CLTCL1: variants seen among roughly 807,000 people sequenced by gnomAD.
CLTCL1 encodes the protein clathrin heavy chain like 1, also known as clathrin heavy chain 2.
In CLTCL1, 159 loss-of-function variants were observed where a neutral mutation model predicts 190.0. The ratio of observed to expected loss-of-function variants is 0.84; its 90% CI spans 0.74 to 0.95. The LOEUF is 0.95. Among genes scored for constraint, CLTCL1 ranks in the 40% least tolerant of loss-of-function variants. The probability of loss-of-function intolerance (pLI) is 0.00; values close to 1 mark genes in which losing one functional copy is unlikely to be tolerated. For synonymous variants in CLTCL1, 752 were observed against 769.6 expected (o/e 0.98, Z 0.38); for missense variants, 1,878 against 2,033.4 (o/e 0.92, Z 1.47).
Position 19,210,460 on chromosome 22 carries a change from G to T in CLTCL1, c.3115C>A (p.Arg1039=), listed in dbSNP as rs117166674. 6.8e-6 allele frequency: 11 copies of T among 1,613,852 alleles called. No homozygotes were observed. The Admixed American group carries it at 1.2e-4, about 17-fold the overall frequency. Residue 1039 remains arginine, a synonymous_variant, in exon 20 of 33, where the codon CGG becomes AGG. Transcript: ENST00000427926. The part of the protein sequence containing the change: ...ILTAIKADRT[R]VMEYISRLDN... Reference sequence around the variant, plus strand: ...AGGCGGCTGATGTACTCCATGACCCGTGTGCGGTCTGCCTTGATGGCAGTC... The same window carrying T: ...AGGCGGCTGATGTACTCCATGACCCTTGTGCGGTCTGCCTTGATGGCAGTC...
chr22:19,210,379 C>T lies in CLTCL1; in HGVS notation c.3196G>A (p.Glu1066Lys), dbSNP rs1166713636. 2 of 1,613,880 alleles carry T rather than the reference C, an allele frequency of 1.2e-6. No homozygotes were observed. The highest frequency in any genetic ancestry group is 1.3e-5 in the African/African-American group (1 of 74,926). Residue 1066 changes from glutamate (E) to lysine (K), a missense_variant, in exon 20 of 33, where the codon GAG (glutamate) becomes AAG (lysine). Physicochemically the swap from Glu to Lys is moderately conservative, Grantham distance 56 (BLOSUM62 1). Coordinates refer to ENST00000427926, the MANE Select transcript of CLTCL1 (RefSeq NM_007098.4). ...ASIAVSSALY[E>K]EAFTVFHKFD... Reference sequence around the variant, plus strand: ...TTGTGGAAAACGGTGAAGGCCTCCTCATACAGTGCGCTGCTGACAGCGATG... The same window carrying T: ...TTGTGGAAAACGGTGAAGGCCTCCTTATACAGTGCGCTGCTGACAGCGATG...
intron 19 of CLTCL1, among the ~76,000 whole-genome samples, chr22:19,212,278 G>T (rs1293508633): frequency 1.3e-5 from 2 of 151,922 alleles, no homozygotes; most frequent in African/African-American, 4.8e-5. Flanking sequence ...ATAAAGTTGA[G>T]CCCAGGTATA....
chr22:19,249,855 A>G, intron 3 of CLTCL1: 1 of 407,976 alleles, frequency 2.5e-6, no homozygotes, highest in Admixed American at 2.8e-5. Context: ...GCTGATTTTG[A>G]AACTTAAAAA....
Position 19,208,259 on chromosome 22 carries a change from A to C in CLTCL1, c.3495T>G (p.Arg1165=), listed in dbSNP as rs1555944152. 1.2e-6 allele frequency: 2 copies of C among 1,613,826 alleles called. No homozygotes were observed. The highest frequency in any genetic ancestry group is 1.7e-6 in the Non-Finnish European group (2 of 1,179,896). The change falls in exon 22 of 33, where the codon CGT becomes CGG. Residue 1165 remains arginine, a synonymous_variant. Transcript: ENST00000427926. ...KFLQMARKKG[R]ESYIETELIF... ...TAAGTTCAGTCTCTATATAGGACTC[A>C]CGGCCCTTTTTCCTGGCCATCTGCA... is the stretch of plus-strand genomic sequence containing the variant.
chr22:19,261,115 ATT>A (rs112343917), intron 2 of CLTCL1, among the ~76,000 whole-genome samples: 24 of 143,778 alleles, frequency 1.7e-4, no homozygotes, highest in African/African-American at 4.1e-4. Context: ...TAAGAAATGC[ATT>A]TTTTTTTTTT....
intron 17 of CLTCL1, 46 bp downstream of exon 17, chr22:19,221,331 T>G (rs542687237): frequency 6.9e-7 from 1 of 1,452,516 alleles, no homozygotes; most frequent in Non-Finnish European, 9.3e-7. Flanking sequence ...AAAGCTTCCC[T>G]GGGAGCCCAG....
In CLTCL1 at chr22:19,196,614, C is replaced by A. The variant is rs782407097; in HGVS notation, c.3916G>T (p.Ala1306Ser). 17 of 1,613,458 alleles carry A rather than the reference C, an allele frequency of 1.1e-5. No homozygotes were observed. The highest frequency in any genetic ancestry group is 1.4e-5 in the Non-Finnish European group (17 of 1,179,736). Residue 1306 changes from alanine (A) to serine (S), a missense_variant, in exon 25 of 33, where the codon GCC becomes TCC. Transcript: ENST00000427926. ...ATGTGGGCCCGCTCCAGGCCCAGGG[C>A]CGCTTCCAACAGCAAGATCAGCTCC... ...FEELILLLEA[A>S]LGLERAHMGM...
intron 7 of CLTCL1, 34 bp from the exon 8 acceptor site, chr22:19,233,656 G>T (rs199568862): frequency 1.9e-6 from 3 of 1,586,960 alleles, no homozygotes; most frequent in African/African-American, 2.7e-5. Context: ...TCATTGTGTT[G>T]TAATCACAGG....
intron 5 of CLTCL1, among the ~76,000 whole-genome samples, chr22:19,236,888 TA>T (rs1218814386): frequency 6.6e-6 from 1 of 152,166 alleles, no homozygotes; most frequent in Non-Finnish European, 1.5e-5. Context: ...GAGATGGAGG[TA>T]AGAGTAAAGA....
At chr22:19,284,546 G>T (rs2087835397) in intron 1 of CLTCL1, among the ~76,000 whole-genome samples, 1 of 152,078 alleles carries the variant, frequency 6.6e-6, no homozygotes. Context: ...TATAATCCCA[G>T]CTACCTGGGA....
At chr22:19,197,525 C>T (rs782220119) in intron 24 of CLTCL1, among the ~76,000 whole-genome samples, 47 of 152,192 alleles carry the variant, frequency 3.1e-4, no homozygotes, top group Admixed American at 1.3e-4. Flanking sequence ...GCAAGCATCC[C>T]GCTCATCCTC....
chr22:19,222,182 C>T, intron 15 of CLTCL1, 89 bp from the exon 16 acceptor site: 3 of 1,345,084 alleles, frequency 2.2e-6, no homozygotes, highest in Non-Finnish European at 3.1e-6. Flanking sequence ...TGGGCAAAAC[C>T]CTGAAAGGGC....
chr22:19,266,065 T>C (rs782407392), intron 2 of CLTCL1, among the ~76,000 whole-genome samples: 1 of 148,454 alleles, frequency 6.7e-6, no homozygotes, highest in Admixed American at 6.9e-5. Flanking sequence ...TTTTAATTTG[T>C]AGAGATGGAG....
At chr22:19,267,670 G>C (rs2087162640) in intron 2 of CLTCL1, among the ~76,000 whole-genome samples, 1 of 152,144 alleles carries the variant, frequency 6.6e-6, no homozygotes, top group South Asian at 2.1e-4. Flanking sequence ...GAGGCAGGTG[G>C]ATTACCTGAG....
At chr22:19,267,798 G>C (rs1353500387) in intron 2 of CLTCL1, among the ~76,000 whole-genome samples, 1 of 152,060 alleles carries the variant, frequency 6.6e-6, no homozygotes, top group Non-Finnish European at 1.5e-5. Flanking sequence ...GGAAGGCTGA[G>C]GCAGGAGAAT....
chr22:19,259,925 AAAGGAAAAGTTATTT>A (rs1373645141), intron 2 of CLTCL1, among the ~76,000 whole-genome samples: 4 of 152,240 alleles, frequency 2.6e-5, no homozygotes, highest in African/African-American at 9.6e-5. Flanking sequence ...TTGTGAACAC[AAAGGAAAAGTTATTT>A]AAGGAAATTA....
intron 3 of CLTCL1, among the ~76,000 whole-genome samples, chr22:19,246,558 C>A (rs1457882580): frequency 1.1e-4 from 16 of 151,238 alleles, no homozygotes; most frequent in Admixed American, 1.1e-3. Flanking sequence ...CTCACTTCAA[C>A]CTCTGCCTTC....
intron 11 of CLTCL1, among the ~76,000 whole-genome samples, chr22:19,226,737 C>T (rs191955101): frequency 7.2e-5 from 11 of 152,068 alleles, no homozygotes; most frequent in Admixed American, 7.2e-4. Context: ...TTCTTTTTTT[C>T]CTTTTTTTTT....
chr22:19,232,416 G>T (rs138032170), intron 10 of CLTCL1, 60 bp downstream of exon 10: 2 of 1,601,980 alleles, frequency 1.2e-6, no homozygotes, highest in East Asian at 2.2e-5. Flanking sequence ...ACGAATCAAA[G>T]AAATCTTCTA....
Sources: allele counts gnomAD v4.1 joint callset (sites outside exome capture counted in the v4.1 genomes callset), GRCh38; gene constraint gnomAD v4.1.1; transcripts MANE v1.5; gene names NCBI Gene and HGNC (gene_info 2026-07-23, HGNC 2026-07-21).